DENND4C: variants seen among roughly 807,000 people sequenced by gnomAD.
DENND4C encodes the protein DENN domain containing 4C, also known as DENN domain-containing protein 4C.
Under a neutral mutation model 203.0 loss-of-function variants are expected in DENND4C, and 108 were observed. That is an observed-to-expected ratio of 0.53 (90% CI 0.46 to 0.62). The LOEUF (loss-of-function observed/expected upper bound fraction) is 0.62. DENND4C is among the 20% of genes least tolerant of loss of function. The pLI is 0.00. For missense variants in DENND4C, 2,481 were observed against 2,301.2 expected, an observed-to-expected ratio of 1.08 and a Z score of -1.60; for synonymous variants, 871 against 792.4, an observed-to-expected ratio of 1.10 and a Z score of -1.67.
rs560389220 is a variant in DENND4C, at chr9:19,249,273, A to G, written c.-18+18440A>G. 5.4e-5 allele frequency among the ~76,000 whole-genome samples: 8 copies of G among 148,132 alleles called. No individual in the cohort carries two copies. The South Asian group carries it at 1.1e-3, about 20-fold the overall frequency. ...GTAATTTTTGTTTTTTTTTTTTGAG[A>G]TGAAGTCTCGCTCTTATCCCCCAGG... On this transcript the variant is annotated intron_variant, in intron 1 of 32. Coordinates refer to ENST00000434457, the MANE Select transcript of DENND4C (RefSeq NM_001330640.2).
At position 19,350,786 on chromosome 9, in the gene DENND4C, T is replaced by C; in HGVS notation, c.4402T>C (p.Ser1468Pro). Reference protein sequence around the residue: ...GENISPNTSISGLVPSELTQS... With the variant: ...GENISPNTSIPGLVPSELTQS... The stretch of plus-strand genomic sequence containing the variant: ...GAATATATCGCCTAACACAAGTATC[T>C]CAGGGTTGGTCCCCAGTGAACTTAC... Residue 1468 changes from serine (S) to proline (P), a missense_variant, in exon 24 of 33, where the codon TCA (serine) becomes CCA (proline). Ser to Pro is a moderately conservative substitution (Grantham distance 74, BLOSUM62 -1). Coordinates refer to ENST00000434457, the MANE Select transcript of DENND4C (RefSeq NM_001330640.2). 6.2e-7 allele frequency: 1 copy of C among 1,614,038 alleles called. No homozygotes were observed. The highest frequency in any genetic ancestry group is 8.5e-7 in the Non-Finnish European group (1 of 1,180,008).
intron 30 of DENND4C, among the ~76,000 whole-genome samples, chr9:19,367,534 G>A (rs1240829781): frequency 6.6e-6 from 1 of 152,208 alleles, no homozygotes; most frequent in Non-Finnish European, 1.5e-5. Context: ...TCAGGAGTTC[G>A]AGACCAACCT....
intron 1 of DENND4C, among the ~76,000 whole-genome samples, chr9:19,239,697 G>A (rs1057406606): frequency 1.3e-5 from 2 of 152,118 alleles, no homozygotes; most frequent in Non-Finnish European, 2.9e-5. Flanking sequence ...GTGTTGGCCA[G>A]GCTAGTCTTG....
At position 19,332,334 on chromosome 9, in the gene DENND4C, ATTAC is replaced by A. The variant is rs1819405186; in HGVS notation, c.2460+153_2460+156del. 1.3e-5 allele frequency: 8 copies of A among 620,010 alleles called. 1 individual carries two copies. The South Asian group carries it at 1.4e-4, about 11-fold the overall frequency. The allele number at this position is 620,010 out of a possible 1,614,324, so 38.4% of individuals were successfully genotyped here. A position where few individuals can be genotyped will look rare whatever the true frequency, so the allele number is the denominator to read the frequency against. On this transcript the variant is annotated intron_variant, in intron 17 of 32. Transcript: ENST00000434457. ...TTACTGTTTCATGGAGCTGGTGCAT[ATTAC>A]TTGTTTATTTTTTATTTTAATTATT...
chr9:19,250,746 A>T (rs1826359457), intron 1 of DENND4C, among the ~76,000 whole-genome samples: 1 of 152,224 alleles, frequency 6.6e-6, no homozygotes, highest in South Asian at 2.1e-4. Context: ...CAAGTCTGAA[A>T]TCCAGCGGGG....
At chr9:19,304,676 A>G (rs1020752889) in intron 9 of DENND4C, among the ~76,000 whole-genome samples, 1 of 150,676 alleles carries the variant, frequency 6.6e-6, no homozygotes, top group African/African-American at 2.4e-5. Context: ...AGCTGGGACT[A>G]TAGGGGCCCA....
At chr9:19,272,868 A>G (rs529220864) in intron 1 of DENND4C, among the ~76,000 whole-genome samples, 1 of 146,130 alleles carries the variant, frequency 6.8e-6, no homozygotes, top group African/African-American at 2.5e-5. Flanking sequence ...CCCGGGTTCA[A>G]GTGATTCTCC....
chr9:19,277,507 T>G (rs1192807911), intron 2 of DENND4C, among the ~76,000 whole-genome samples: 1 of 152,226 alleles, frequency 6.6e-6, no homozygotes, highest in Non-Finnish European at 1.5e-5. Context: ...TTTTGTGTGC[T>G]AATCTTGCAC....
rs776955770 is a variant in DENND4C at position 19,326,186 on chromosome 9, A to G, written c.2112A>G (p.Pro704=). The change falls in exon 15 of 33, where the codon CCA becomes CCG. Residue 704 remains proline, a synonymous_variant. Coordinates refer to ENST00000434457, the MANE Select transcript of DENND4C (RefSeq NM_001330640.2). ...CTGATGATGGAAAGGACCTGTCACC[A>G]AAGTACAGGTAGTAGGAAGTTTTAA... The part of the protein sequence containing the change: ...PPPDDGKDLS[P]KYSYKYFPRL... The G allele has an allele frequency of 2.5e-6, 4 of 1,610,770 alleles. No homozygotes were observed. The highest frequency in any genetic ancestry group is 8.5e-7 in the Non-Finnish European group (1 of 1,179,112).
intron 26 of DENND4C, among the ~76,000 whole-genome samples, chr9:19,354,289 C>T: frequency 6.6e-6 from 1 of 152,174 alleles, no homozygotes; most frequent in East Asian, 1.9e-4. Context: ...CTGCAAAATA[C>T]ATGTCCCCTT....
chr9:19,358,601 C>G lies in DENND4C; in HGVS notation c.5160+441C>G, dbSNP rs1825862914. ...AGTCTGTTCAAATTTCTGATTGTCT[C>G]AAAAATGTCAAATGCATATGTGTGC... On this transcript the variant is annotated intron_variant, in intron 28 of 32. Coordinates refer to ENST00000434457, the MANE Select transcript of DENND4C (RefSeq NM_001330640.2). The surrounding 1 kb of genome is among the most constrained non-coding windows in gnomAD (Gnocchi z 4.8). 6.6e-6 allele frequency among the ~76,000 whole-genome samples: 1 copy of G among 151,736 alleles called. No homozygotes were observed. Among genetic ancestry groups the G allele is most frequent in the African/African-American group, 2.4e-5 (1 of 41,090 alleles).
In DENND4C at chr9:19,282,074, C is replaced by T. The variant is rs1386826886; in HGVS notation, c.306-4695C>T. Among the ~76,000 whole-genome samples, 4 of 152,018 alleles carry T rather than the reference C, an allele frequency of 2.6e-5. No homozygotes were observed. In the East Asian group the frequency reaches 7.7e-4, roughly 29 times the overall value. On this transcript the variant is annotated intron_variant, in intron 2 of 32. Coordinates refer to ENST00000434457, the MANE Select transcript of DENND4C (RefSeq NM_001330640.2). ...ATAGACTTTAGTAAATTAACTTTAG[C>T]TTTATTATAGCCTTTTTACTTTATA...
intron 26 of DENND4C, among the ~76,000 whole-genome samples, chr9:19,354,525 C>T (rs1346436649): frequency 1.4e-5 from 2 of 145,076 alleles, no homozygotes; most frequent in African/African-American, 2.6e-5. Context: ...ATTTGAGTGT[C>T]TCTTCATTAC....
chr9:19,255,457 C>T (rs547764719), intron 1 of DENND4C, among the ~76,000 whole-genome samples: 1 of 151,868 alleles, frequency 6.6e-6, no homozygotes, highest in African/African-American at 2.4e-5. Context: ...CTGTTATCTA[C>T]ACATCACTAA....
At chr9:19,314,240 G>A (rs1841325742) in intron 10 of DENND4C, among the ~76,000 whole-genome samples, 2 of 152,096 alleles carry the variant, frequency 1.3e-5, no homozygotes, top group African/African-American at 2.4e-5. Context: ...GGATCACGAG[G>A]TCAGGAGATC....
At chr9:19,282,715 C>CTCTTTTTTTTTTTTTTTTTT (rs758751945) in intron 2 of DENND4C, among the ~76,000 whole-genome samples, 4 of 86,638 alleles carry the variant, frequency 4.6e-5, no homozygotes, top group African/African-American at 1.8e-4. Context: ...TTTCTTCTCT[C>CTCTTTTTTTTTTTTTTTTTT]TTTTTTTTTT....
intron 1 of DENND4C, among the ~76,000 whole-genome samples, chr9:19,253,584 G>C (rs1827190583): frequency 6.6e-6 from 1 of 152,124 alleles, no homozygotes; most frequent in African/African-American, 2.4e-5. Context: ...TGATAAAACT[G>C]TACTTTCTTT....
At chr9:19,269,695 T>G (rs1831231192) in intron 1 of DENND4C, among the ~76,000 whole-genome samples, 1 of 152,346 alleles carries the variant, frequency 6.6e-6, no homozygotes, top group African/African-American at 2.4e-5. Context: ...TTAAAACAGC[T>G]ATTTTGACTT....
chr9:19,234,691 A>G (rs1236283152), intron 1 of DENND4C, among the ~76,000 whole-genome samples: 2 of 151,784 alleles, frequency 1.3e-5, no homozygotes, highest in Non-Finnish European at 2.9e-5. Flanking sequence ...ATGTGCGTGC[A>G]TCACCCCACT....
Sources: allele counts gnomAD v4.1 joint callset (sites outside exome capture counted in the v4.1 genomes callset), GRCh38; gene constraint gnomAD v4.1.1; non-coding constraint Gnocchi (gnomAD v3.1); transcripts MANE v1.5; gene names NCBI Gene and HGNC (gene_info 2026-07-23, HGNC 2026-07-21).